PRXL2C: variants seen among roughly 807,000 people sequenced by gnomAD.
PRXL2C encodes the protein peroxiredoxin like 2C.
In PRXL2C, 38 loss-of-function variants were observed where a neutral mutation model predicts 24.9. The ratio of observed to expected loss-of-function variants is 1.53; its 90% CI spans 1.18 to 2.00. PRXL2C has a LOEUF of 2.00. PRXL2C is among the 30% of genes most tolerant of loss of function. The probability of loss-of-function intolerance (pLI) is 0.00; values close to 1 mark genes in which losing one functional copy is unlikely to be tolerated. For missense variants in PRXL2C, 294 were observed against 290.9 expected (o/e 1.01, Z -0.08); for synonymous variants, 98 against 117.2 (o/e 0.84, Z 1.06).
intron 4 of PRXL2C, among the ~76,000 whole-genome samples, chr9:96,649,620 G>C (rs1449572737): frequency 6.6e-6 from 1 of 151,448 alleles, no homozygotes; most frequent in African/African-American, 2.4e-5. Flanking sequence ...CAGCAACTCT[G>C]CCTCACAAAC....
chr9:96,644,131 C>CAAAAA (rs541207643), intron 5 of PRXL2C, among the ~76,000 whole-genome samples: 1 of 58,278 alleles, frequency 1.7e-5, no homozygotes. Flanking sequence ...GGCTCTGTCT[C>CAAAAA]AAAAAAAAAA....
rs921042856 is a variant in PRXL2C, at chr9:96,654,950, C to T, written c.192+140G>A. ...CCTCGCCCTCGCCCTCTCCCTGCCC[C>T]GCCCTAGTTGGGAAGCGGCCGCGAC... On this transcript the variant is annotated intron_variant, in intron 1 of 5. Coordinates refer to ENST00000375234, the MANE Select transcript of PRXL2C (RefSeq NM_153698.2). 4.1e-6 allele frequency: 5 copies of T among 1,224,498 alleles called. No individual in the cohort carries two copies. The African/African-American group carries it at 6.5e-5, about 16-fold the overall frequency. 75.9% of individuals were successfully genotyped at this position (1,224,498 alleles called of 1,614,324 possible).
chr9:96,646,180 T>C lies in PRXL2C; in HGVS notation c.422-156A>G, dbSNP rs76549833. Among the ~76,000 whole-genome samples, 11 of 152,366 alleles carry C rather than the reference T, an allele frequency of 7.2e-5. No individual in the cohort carries two copies. The East Asian group carries it at 1.9e-3, about 27-fold the overall frequency. On this transcript the variant is annotated intron_variant, in intron 4 of 5. Transcript: ENST00000375234. ...TTGGCTCAGATCATTCTTTGTCCTG[T>C]GCGATATACGGTGTTTTGCAACATC... is the stretch of plus-strand genomic sequence containing the variant.
intron 1 of PRXL2C, 149 bp downstream of exon 1, chr9:96,654,935 GCCCTCT>G (rs1588104909): frequency 1.5e-5 from 18 of 1,191,566 alleles, no homozygotes; most frequent in Non-Finnish European, 1.9e-5. Flanking sequence ...CCTCGCCCTC[GCCCTCT>G]CCCTGCCCCG....
intron 5 of PRXL2C, among the ~76,000 whole-genome samples, chr9:96,645,324 C>A (rs1158374508): frequency 6.6e-6 from 1 of 152,066 alleles, no homozygotes; most frequent in Admixed American, 6.6e-5. Flanking sequence ...AGATCGCCAG[C>A]CCACAGGTGA....
intron 4 of PRXL2C, among the ~76,000 whole-genome samples, chr9:96,647,896 TTTTTTAAAATGCAAAA>T (rs1848216993): frequency 6.6e-6 from 1 of 151,606 alleles, no homozygotes; most frequent in South Asian, 2.1e-4. Context: ...TCTCTCCTTA[TTTTTTAAAATGCAAAA>T]GAAAATTTTG....
At chr9:96,653,816 C>G (rs1190204545) in intron 2 of PRXL2C, among the ~76,000 whole-genome samples, 6 of 151,564 alleles carry the variant, frequency 4.0e-5, no homozygotes, top group Non-Finnish European at 8.8e-5. Context: ...CAAAGACATT[C>G]TTTTTTAAAA....
At chr9:96,655,036 A>G in intron 1 of PRXL2C, 54 bp downstream of exon 1, 4 of 1,433,794 alleles carry the variant, frequency 2.8e-6, no homozygotes, top group Non-Finnish European at 3.6e-6. Flanking sequence ...GCATCCCGGC[A>G]GCCTGCCCGG....
intron 2 of PRXL2C, among the ~76,000 whole-genome samples, chr9:96,654,140 G>A (rs1848314510): frequency 6.6e-6 from 1 of 152,152 alleles, no homozygotes; most frequent in African/African-American, 2.4e-5. Context: ...GTGCCCGGCC[G>A]CACAGTTATT....
At chr9:96,644,866 A>C (rs1243080400) in intron 5 of PRXL2C, among the ~76,000 whole-genome samples, 3 of 142,180 alleles carry the variant, frequency 2.1e-5, no homozygotes, top group Admixed American at 7.1e-5. Flanking sequence ...TTAGGTATAA[A>C]TAACTACATG....
Position 96,641,098 on chromosome 9 carries a change from T to C in PRXL2C, c.*661A>G, listed in dbSNP as rs918226475. 1 of 152,170 alleles carries C rather than the reference T, an allele frequency of 6.6e-6. No homozygotes were observed. The highest frequency in any genetic ancestry group is 2.4e-5 in the African/African-American group (1 of 41,428). 9.4% of individuals were successfully genotyped at this position (152,170 alleles called of 1,614,324 possible). On this transcript the variant is annotated 3_prime_UTR_variant, in exon 6 of 6. Coordinates refer to ENST00000375234, the MANE Select transcript of PRXL2C (RefSeq NM_153698.2). ...GACTACAGCTTATATAATTTTGCTCTTTTGTGAAGGTTGTTATGTGGCATA... is the reference window on the plus strand; with the variant it reads ...GACTACAGCTTATATAATTTTGCTCCTTTGTGAAGGTTGTTATGTGGCATA...
Position 96,654,784 on chromosome 9 carries a change from A to G in PRXL2C, c.193-11T>C, listed in dbSNP as rs755072072. On this transcript the variant is annotated splice_polypyrimidine_tract_variant and intron_variant, in intron 1 of 5. Coordinates refer to ENST00000375234, the MANE Select transcript of PRXL2C (RefSeq NM_153698.2). The stretch of plus-strand genomic sequence containing the variant: ...GTAACACAGGAAATGCTGAAAGCCA[A>G]AACGGCAGAAAGGGCAAGTTAGTAA... 1 of 1,556,516 alleles carries G rather than the reference A, an allele frequency of 6.4e-7. No homozygotes were observed. The highest frequency in any genetic ancestry group is 8.7e-7 in the Non-Finnish European group (1 of 1,149,140).
rs985231084 is a variant in PRXL2C, at chr9:96,654,884, C to A, written c.193-111G>T. ...GCGAGCAAAGGCGACGCCCGCGGGG[C>A]CGGGACCGGCGGCTCGGGCGCCCGG... is the stretch of plus-strand genomic sequence containing the variant. On this transcript the variant is annotated intron_variant, in intron 1 of 5. Transcript: ENST00000375234. 8.0e-6 allele frequency: 10 copies of A among 1,256,600 alleles called. No homozygotes were observed. In the Admixed American group the frequency reaches 2.6e-4, roughly 33 times the overall value. The allele number at this position is 1,256,600 out of a possible 1,614,324, so 77.8% of individuals were successfully genotyped here. A position where few individuals can be genotyped will look rare whatever the true frequency, so the allele number is the denominator to read the frequency against.
intron 1 of PRXL2C, 25 bp downstream of exon 1, chr9:96,655,065 C>T: frequency 6.9e-7 from 1 of 1,457,788 alleles, no homozygotes; most frequent in Non-Finnish European, 9.0e-7. Context: ...GCCGCGCTTC[C>T]CTTCCAGCCC....
chr9:96,645,792 C>A (rs566101961), intron 5 of PRXL2C, 101 bp downstream of exon 5: 132 of 1,320,104 alleles, frequency 1.0e-4, no homozygotes, highest in African/African-American at 9.1e-5. Flanking sequence ...GCGAGACTCC[C>A]TCTCGAAAAA....
intron 5 of PRXL2C, among the ~76,000 whole-genome samples, chr9:96,645,063 C>A (rs1027519870): frequency 1.3e-5 from 2 of 151,256 alleles, no homozygotes; most frequent in African/African-American, 2.4e-5. Context: ...CCCGCCACCA[C>A]GTCCGGCTAA....
At position 96,655,212 on chromosome 9, in the gene PRXL2C, G is replaced by A; in HGVS notation, c.70C>T (p.Pro24Ser). Reference sequence around the variant, plus strand: ...GCCGCCAGGGGCTGCCCGCTGTCGGGGCCGCTCGGGGCCGGGACCAGGGCG... The same window carrying A: ...GCCGCCAGGGGCTGCCCGCTGTCGGAGCCGCTCGGGGCCGGGACCAGGGCG... ...AAALVPAPSGPDSGQPLAAAV... is the reference protein window; with the variant it reads ...AAALVPAPSGSDSGQPLAAAV... Residue 24 changes from proline to serine, a missense_variant, in exon 1 of 6, where the codon CCC becomes TCC. Transcript: ENST00000375234. 1.7e-6 allele frequency: 2 copies of A among 1,161,622 alleles called. No homozygotes were observed. Among genetic ancestry groups the A allele is most frequent in the Non-Finnish European group, 2.1e-6 (2 of 944,516 alleles). 72.0% of individuals were successfully genotyped at this position (1,161,622 alleles called of 1,614,324 possible).
rs1848117651 is a variant in PRXL2C, at chr9:96,641,720, C to G, written c.*39G>C. ...ACACCCAGGCATTGAAGGTCACATT[C>G]CAGAAGGTCCAGTTGAAAGTGACTG... On this transcript the variant is annotated 3_prime_UTR_variant, in exon 6 of 6. Transcript: ENST00000375234. 1 of 1,520,690 alleles carries G rather than the reference C, an allele frequency of 6.6e-7. No individual in the cohort carries two copies. Among genetic ancestry groups the G allele is most frequent in the African/African-American group, 1.4e-5 (1 of 73,236 alleles). 94.2% of individuals were successfully genotyped at this position (1,520,690 alleles called of 1,614,324 possible). A position where few individuals can be genotyped will look rare whatever the true frequency, so the allele number is the denominator to read the frequency against.
chr9:96,640,516 CAAAAAAAAAAAAAAAAA>C lies in PRXL2C; in HGVS notation c.*1226_*1242del, dbSNP rs34951542. On this transcript the variant is annotated 3_prime_UTR_variant, in exon 6 of 6. Coordinates refer to ENST00000375234, the MANE Select transcript of PRXL2C (RefSeq NM_153698.2). The stretch of plus-strand genomic sequence containing the variant: ...TGGGCGACAGAGCAAGACTCCATCT[CAAAAAAAAAAAAAAAAA>C]AAAAAAAAAAAAAGCCAGGCAAGGT... 2 of 12,478 alleles carry C rather than the reference CAAAAAAAAAAAAAAAAA, an allele frequency of 1.6e-4. No individual in the cohort carries two copies. Among genetic ancestry groups the C allele is most frequent in the Non-Finnish European group, 2.5e-4 (2 of 8,034 alleles). 0.8% of individuals were successfully genotyped at this position (12,478 alleles called of 1,614,324 possible).
Sources: allele counts gnomAD v4.1 joint callset (sites outside exome capture counted in the v4.1 genomes callset), GRCh38; gene constraint gnomAD v4.1.1; transcripts MANE v1.5; gene names NCBI Gene and HGNC (gene_info 2026-07-23, HGNC 2026-07-21).